Variants in CNNM2 observed in about 807,000 individuals in gnomAD.
CNNM2 encodes the protein metal transporter CNNM2.
A neutral mutation model predicts 66.9 loss-of-function variants in CNNM2; 12 were observed. The ratio of observed to expected loss-of-function variants is 0.18; its 90% CI spans 0.11 to 0.29. The LOEUF (loss-of-function observed/expected upper bound fraction) is 0.29, where lower values mean the gene tolerates loss of function less well. CNNM2 is among the 10% of genes least tolerant of loss of function. The probability of loss-of-function intolerance (pLI) is 1.00; values close to 1 mark genes in which losing one functional copy is unlikely to be tolerated. For synonymous variants in CNNM2, 557 were observed against 501.8 expected, an observed-to-expected ratio of 1.11 and a Z score of -1.47; for missense variants, 705 against 1,167.7, an observed-to-expected ratio of 0.60 and a Z score of 5.77.
chr10:103,025,468 A>C (rs1238278484), intron 1 of CNNM2, among the ~76,000 whole-genome samples: 1 of 152,214 alleles, frequency 6.6e-6, no homozygotes, highest in Non-Finnish European at 1.5e-5. Flanking sequence ...GCACCACACA[A>C]ATATTATTTT....
At chr10:103,021,288 G>C (rs2064574611) in intron 1 of CNNM2, among the ~76,000 whole-genome samples, 1 of 152,128 alleles carries the variant, frequency 6.6e-6, no homozygotes, top group Non-Finnish European at 1.5e-5. Context: ...AAACCAAAGA[G>C]AGTAGAATTC....
intron 1 of CNNM2, among the ~76,000 whole-genome samples, chr10:102,989,381 CT>C (rs963747731): frequency 3.3e-5 from 5 of 150,362 alleles, no homozygotes; most frequent in East Asian, 2.0e-4. Context: ...TTTCATTCTT[CT>C]TTTTTTTTGG....
At chr10:103,043,461 A>G (rs925179122) in intron 1 of CNNM2, among the ~76,000 whole-genome samples, 1 of 152,238 alleles carries the variant, frequency 6.6e-6, no homozygotes, top group Non-Finnish European at 1.5e-5. Flanking sequence ...TGGCTTAATC[A>G]TAATAAAAAC....
At position 103,087,980 on chromosome 10, in the gene CNNM2, TTC is replaced by T. The variant is rs2065886418; in HGVS notation, c.*10802_*10803del. ...CTTCACAGTCCTGTTCCAAAAATCT[TTC>T]TGTGAAAAAATTGAGGCCTATGTAA... On this transcript the variant is annotated 3_prime_UTR_variant, in exon 8 of 8. Coordinates refer to ENST00000369878, the MANE Select transcript of CNNM2 (RefSeq NM_017649.5). 2 of 152,218 alleles carry T rather than the reference TTC, an allele frequency of 1.3e-5. No individual in the cohort carries two copies. Among genetic ancestry groups the T allele is most frequent in the African/African-American group, 2.4e-5 (1 of 41,454 alleles). The allele number at this position is 152,218 out of a possible 1,614,324, so 9.4% of individuals were successfully genotyped here. A position where few individuals can be genotyped will look rare whatever the true frequency, so the allele number is the denominator to read the frequency against.
intron 1 of CNNM2, among the ~76,000 whole-genome samples, chr10:102,989,591 T>G (rs1214212757): frequency 2.0e-5 from 3 of 151,780 alleles, no homozygotes; most frequent in Non-Finnish European, 4.4e-5. Flanking sequence ...TCACCTTAGG[T>G]CAAGAGTTCG....
intron 4 of CNNM2, among the ~76,000 whole-genome samples, chr10:103,059,158 G>A (rs902185875): frequency 4.6e-5 from 7 of 152,090 alleles, no homozygotes; most frequent in African/African-American, 1.2e-4. Flanking sequence ...ATTTTCAGTC[G>A]AGATGGGGTT....
At chr10:103,012,168 T>C (rs578154733) in intron 1 of CNNM2, among the ~76,000 whole-genome samples, 1 of 152,214 alleles carries the variant, frequency 6.6e-6, no homozygotes, top group African/African-American at 2.4e-5. Flanking sequence ...TATGCTTATG[T>C]AAGTTTCCCT....
intron 1 of CNNM2, among the ~76,000 whole-genome samples, chr10:102,986,874 T>C (rs567673781): frequency 6.6e-6 from 1 of 151,972 alleles, no homozygotes; most frequent in Admixed American, 6.6e-5. Flanking sequence ...ATAATAGGGA[T>C]TTTGTGTAAG....
chr10:103,066,117 G>A (rs575927402), intron 4 of CNNM2, among the ~76,000 whole-genome samples: 14 of 152,224 alleles, frequency 9.2e-5, no homozygotes, highest in Admixed American at 2.6e-4. Context: ...GGCCCTGACC[G>A]TCCTTGCCCC....
intron 1 of CNNM2, among the ~76,000 whole-genome samples, chr10:103,036,212 C>G (rs1019557817): frequency 2.0e-5 from 3 of 152,044 alleles, no homozygotes; most frequent in Non-Finnish European, 4.4e-5. Flanking sequence ...TTTAAGAAAG[C>G]CCAAATTGAT....
chr10:103,044,279 T>G (rs2065091899), intron 1 of CNNM2, among the ~76,000 whole-genome samples: 1 of 151,792 alleles, frequency 6.6e-6, no homozygotes, highest in African/African-American at 2.4e-5. Context: ...CTATTTGAGC[T>G]CGGTTTTGAA....
Position 103,082,379 on chromosome 10 carries a change from CA to C in CNNM2, c.*5202del, listed in dbSNP as rs1450862020. 6.6e-6 allele frequency: 1 copy of C among 152,186 alleles called. No homozygotes were observed. The highest frequency in any genetic ancestry group is 1.5e-5 in the Non-Finnish European group (1 of 68,054). The allele number at this position is 152,186 out of a possible 1,614,324, so 9.4% of individuals were successfully genotyped here. On this transcript the variant is annotated 3_prime_UTR_variant, in exon 8 of 8. Transcript: ENST00000369878. ...GGAGGCTCAGACTTCTAGAGCAGAG[CA>C]AAGTTGGGAAGAATGAGGTCTTAGG...
At chr10:103,046,599 TA>T (rs2065130938) in intron 1 of CNNM2, among the ~76,000 whole-genome samples, 1 of 152,252 alleles carries the variant, frequency 6.6e-6, no homozygotes, top group Non-Finnish European at 1.5e-5. Flanking sequence ...TTGGTTGATT[TA>T]AAGGACAATA....
intron 1 of CNNM2, among the ~76,000 whole-genome samples, chr10:102,961,889 C>T (rs1036135019): frequency 2.0e-5 from 3 of 151,288 alleles, no homozygotes; most frequent in Non-Finnish European, 4.4e-5. Context: ...AGCGATACTC[C>T]AATCTCTAAA....
intron 1 of CNNM2, among the ~76,000 whole-genome samples, chr10:103,035,660 T>A (rs547101919): frequency 6.6e-6 from 1 of 152,292 alleles, no homozygotes; most frequent in African/African-American, 2.4e-5. Context: ...CACTTTGGGT[T>A]TCTGGCTAAA....
rs563138671 is a variant in CNNM2 at position 102,919,536 on chromosome 10, C to T, written c.1056C>T (p.Ile352=). The change falls in exon 1 of 8, where the codon ATC becomes ATT. Residue 352 remains isoleucine, a synonymous_variant. Transcript: ENST00000369878. ...CCGTGGTAGTCTCCACCATCGGTATCGTCATCTTCGGAGAGATCGTGCCCC... is the reference window on the plus strand; with the variant it reads ...CCGTGGTAGTCTCCACCATCGGTATTGTCATCTTCGGAGAGATCGTGCCCC... The part of the protein sequence containing the change: ...LVAVVVSTIG[I]VIFGEIVPQA... 12 of 1,613,314 alleles carry T rather than the reference C, an allele frequency of 7.4e-6. No homozygotes were observed. The South Asian group carries it at 8.8e-5, about 12-fold the overall frequency.
At chr10:102,942,526 C>T (rs368554274) in intron 1 of CNNM2, among the ~76,000 whole-genome samples, 5 of 152,118 alleles carry the variant, frequency 3.3e-5, no homozygotes, top group African/African-American at 7.2e-5. Flanking sequence ...AATTATGTTC[C>T]GTTGTGTATA....
rs780922912 is a variant in CNNM2 at position 103,056,930 on chromosome 10, A to G, written c.2039A>G (p.Asn680Ser). The part of the protein sequence containing the change: ...KAPEYYLYQR[N>S]KPVDYFVLIL... ...CCCGAATACTACCTCTACCAGCGCA[A>G]CAAGCCAGTAGACTACTTCGTTCTC... The change falls in exon 4 of 8, where the codon AAC becomes AGC. Residue 680 changes from asparagine to serine, a missense_variant. This residue lies in a region of CNNM2 where 171 missense variants were observed against 304.8 expected (regional missense o/e 0.56). Coordinates refer to ENST00000369878, the MANE Select transcript of CNNM2 (RefSeq NM_017649.5). 16 of 1,613,458 alleles carry G rather than the reference A, an allele frequency of 9.9e-6. No homozygotes were observed. Among genetic ancestry groups the G allele is most frequent in the Admixed American group, 1.7e-5 (1 of 59,900 alleles).
intron 4 of CNNM2, among the ~76,000 whole-genome samples, chr10:103,066,773 C>T (rs915871475): frequency 2.6e-5 from 4 of 152,244 alleles, no homozygotes; most frequent in African/African-American, 9.6e-5. Context: ...TGTTGCTTCT[C>T]ATGTGCTCGC....
Sources: allele counts gnomAD v4.1 joint callset (sites outside exome capture counted in the v4.1 genomes callset), GRCh38; gene constraint gnomAD v4.1.1; regional missense constraint gnomAD v4.1.1; transcripts MANE v1.5; gene names NCBI Gene and HGNC (gene_info 2026-07-23, HGNC 2026-07-21).